Variants in CFAP91 observed in about 807,000 individuals in gnomAD.
The protein encoded by CFAP91 is cilia- and flagella-associated protein 91.
In CFAP91, 85 loss-of-function variants were observed where a neutral mutation model predicts 95.9. That is an observed-to-expected ratio of 0.89 (90% CI 0.74 to 1.06). The LOEUF is 1.06. Among genes scored for constraint, CFAP91 ranks in the 50% least tolerant of loss-of-function variants. The probability of loss-of-function intolerance (pLI) is 0.00; values close to 1 mark genes in which losing one functional copy is unlikely to be tolerated. For missense variants in CFAP91, 962 were observed against 943.4 expected, an observed-to-expected ratio of 1.02 and a Z score of -0.26; for synonymous variants, 335 against 327.5, an observed-to-expected ratio of 1.02 and a Z score of -0.25.
intron 13 of CFAP91, among the ~76,000 whole-genome samples, chr3:119,743,352 A>G (rs889580196): frequency 6.6e-6 from 1 of 152,090 alleles, no homozygotes; most frequent in Non-Finnish European, 1.5e-5. Flanking sequence ...TCCTGACCTC[A>G]GGTGATCCAC....
chr3:119,761,829 C>G lies in CFAP91; in HGVS notation c.*2-3223C>G, dbSNP rs146166067. Reference sequence around the variant, plus strand: ...AACTCTTAACAGATTCATTATAGAACAAATGTACCTCAACATAGTAAAGTC... The same window carrying G: ...AACTCTTAACAGATTCATTATAGAAGAAATGTACCTCAACATAGTAAAGTC... On this transcript the variant is annotated intron_variant, in intron 17 of 17. Coordinates refer to ENST00000273390, the MANE Select transcript of CFAP91 (RefSeq NM_033364.4). Among the ~76,000 whole-genome samples, 265 of 151,752 alleles carry G rather than the reference C, an allele frequency of 1.7e-3. 4 individuals carry two copies. Among genetic ancestry groups the G allele is most frequent in the Non-Finnish European group, 5.8e-4 (39 of 67,660 alleles).
rs1322407118 is a variant in CFAP91, at chr3:119,766,320, T to C, written c.*1270T>C. 1 of 151,054 alleles carries C rather than the reference T, an allele frequency of 6.6e-6. No individual in the cohort carries two copies. The highest frequency in any genetic ancestry group is 1.5e-5 in the Non-Finnish European group (1 of 67,740). The allele number at this position is 151,054 out of a possible 1,614,324, so 9.4% of individuals were successfully genotyped here. A position where few individuals can be genotyped will look rare whatever the true frequency, so the allele number is the denominator to read the frequency against. ...AGAGTTTAATAATTAATTTTCTGAG[T>C]TTTTTTTTAAAAAAACTAATTATAC... On this transcript the variant is annotated 3_prime_UTR_variant, in exon 18 of 18. Transcript: ENST00000273390.
intron 14 of CFAP91, among the ~76,000 whole-genome samples, chr3:119,745,284 A>G (rs1314298984): frequency 6.6e-6 from 1 of 152,230 alleles, no homozygotes; most frequent in East Asian, 1.9e-4. Flanking sequence ...ATATGCTTGC[A>G]CATAAATTAT....
intron 7 of CFAP91, among the ~76,000 whole-genome samples, chr3:119,729,203 G>A (rs1238956438): frequency 6.6e-6 from 1 of 152,180 alleles, no homozygotes; most frequent in Non-Finnish European, 1.5e-5. Context: ...GGGAATACAA[G>A]AAGCATTGCC....
intron 17 of CFAP91, among the ~76,000 whole-genome samples, chr3:119,762,816 C>T (rs2054561812): frequency 6.6e-6 from 1 of 151,900 alleles, no homozygotes; most frequent in African/African-American, 2.4e-5. Context: ...ATTCAAAACC[C>T]AACTCAAAAT....
intron 14 of CFAP91, among the ~76,000 whole-genome samples, chr3:119,745,859 A>C (rs1462711861): frequency 6.6e-6 from 1 of 152,250 alleles, no homozygotes; most frequent in African/African-American, 2.4e-5. Flanking sequence ...GATGTTTTAC[A>C]CATAGGTGTA....
chr3:119,735,072 ATGTT>A (rs1256217115), intron 10 of CFAP91, among the ~76,000 whole-genome samples: 2 of 151,816 alleles, frequency 1.3e-5, no homozygotes, highest in African/African-American at 4.8e-5. Context: ...AATCTTTTAA[ATGTT>A]TGTTTTATCT....
At chr3:119,760,131 A>T (rs368469041) in intron 17 of CFAP91, among the ~76,000 whole-genome samples, 91 of 151,988 alleles carry the variant, frequency 6.0e-4, no homozygotes, top group African/African-American at 2.1e-3. Flanking sequence ...TGTCCAGCCT[A>T]CAAGAGTCTC....
rs1277485293 is a variant in CFAP91 at position 119,730,274 on chromosome 3, G to A, written c.915G>A (p.Glu305=). The A allele has an allele frequency of 6.2e-7, 1 of 1,614,116 alleles. No homozygotes were observed. The highest frequency in any genetic ancestry group is 8.5e-7 in the Non-Finnish European group (1 of 1,179,992). Residue 305 remains glutamate, a synonymous_variant, in exon 8 of 18, where the codon GAG becomes GAA. Coordinates refer to ENST00000273390, the MANE Select transcript of CFAP91 (RefSeq NM_033364.4). ...VLKELLRKRE[E]NQNEVNMKHL... is the part of the protein sequence containing the mutation. ...AAGAGCTGTTGAGGAAGCGTGAAGA[G>A]AATCAGAATGAAGTGAATATGAAGC... is the stretch of plus-strand genomic sequence containing the variant.
chr3:119,709,393 C>T (rs558147742), intron 4 of CFAP91, among the ~76,000 whole-genome samples: 49 of 152,298 alleles, frequency 3.2e-4, no homozygotes, highest in African/African-American at 1.1e-3. Context: ...CTATACAATT[C>T]TGTACAGTTA....
chr3:119,703,513 G>A (rs1243894699), intron 1 of CFAP91, among the ~76,000 whole-genome samples: 1 of 152,226 alleles, frequency 6.6e-6, no homozygotes, highest in African/African-American at 2.4e-5. Context: ...AGTGTGCAAC[G>A]ATTTGTACAC....
intron 10 of CFAP91, among the ~76,000 whole-genome samples, 180 bp from the exon 11 acceptor site, chr3:119,737,186 C>A (rs1415538225): frequency 6.6e-6 from 1 of 152,050 alleles, no homozygotes; most frequent in Non-Finnish European, 1.5e-5. Flanking sequence ...TATCTGTGAC[C>A]TAGATCTGGT....
At chr3:119,761,591 C>CA (rs995738066) in intron 17 of CFAP91, among the ~76,000 whole-genome samples, 35 of 151,658 alleles carry the variant, frequency 2.3e-4, no homozygotes, top group Non-Finnish European at 4.1e-4. Context: ...CAAAAATTCT[C>CA]AAAAAAAGTA....
chr3:119,762,571 C>T (rs2054556292), intron 17 of CFAP91, among the ~76,000 whole-genome samples: 1 of 151,930 alleles, frequency 6.6e-6, no homozygotes, highest in African/African-American at 2.4e-5. Context: ...CACTACCTGA[C>T]TTAAAAATCT....
intron 10 of CFAP91, among the ~76,000 whole-genome samples, chr3:119,735,169 C>G (rs2053977455): frequency 1.3e-5 from 2 of 151,966 alleles, no homozygotes; most frequent in South Asian, 4.1e-4. Flanking sequence ...TGAAGGCTTG[C>G]TTATTTTCTT....
chr3:119,708,737 A>AC, intron 4 of CFAP91, 63 bp downstream of exon 4: 3 of 980,728 alleles, frequency 3.1e-6, no homozygotes, highest in Non-Finnish European at 4.7e-6. Flanking sequence ...CTTTATGATA[A>AC]TAATAATAGT....
At chr3:119,717,290 T>C (rs192395190) in intron 6 of CFAP91, among the ~76,000 whole-genome samples, 302 of 152,334 alleles carry the variant, frequency 2.0e-3, no homozygotes, top group Non-Finnish European at 3.5e-3. Context: ...TGATAAGGAC[T>C]TGGCGTTAAA....
Position 119,750,990 on chromosome 3 carries a change from T to TA in CFAP91, c.2198dup (p.Tyr733Ter). 6.2e-7 allele frequency: 1 copy of TA among 1,614,012 alleles called. No homozygotes were observed. Among genetic ancestry groups the TA allele is most frequent in the South Asian group, 1.1e-5 (1 of 91,080 alleles). The change falls in exon 17 of 18, where the codon TAC becomes TAAC. Residue 733 changes from tyrosine (Y) to a stop codon, truncating the protein, a stop_gained and frameshift_variant. Coordinates refer to ENST00000273390, the MANE Select transcript of CFAP91 (RefSeq NM_033364.4). LOFTEE classifies it high-confidence loss of function. Reference sequence around the variant, plus strand: ...TGCAGCCCATCAGATCATCCACAGTTACACGGAAAGCATGGTTCAAAAGAA... The same window carrying TA: ...TGCAGCCCATCAGATCATCCACAGTTAACACGGAAAGCATGGTTCAAAAGAA... ...ILAAHQIIHSYTESMVQKKLT... is the reference protein window; with the variant it reads ...ILAAHQIIHS
chr3:119,725,628 A>C (rs1301721444), intron 6 of CFAP91, among the ~76,000 whole-genome samples: 1 of 152,026 alleles, frequency 6.6e-6, no homozygotes, highest in East Asian at 1.9e-4. Flanking sequence ...GTGGTGGCAC[A>C]TGCCAGTAGT....
Sources: gnomAD v4.1 joint callset for allele counts (sites outside exome capture counted in the v4.1 genomes callset) on GRCh38, gnomAD v4.1.1 for gene constraint, MANE v1.5 for transcripts, NCBI Gene and HGNC (gene_info 2026-07-23, HGNC 2026-07-21) for gene names.